AGAP1: variants seen among roughly 807,000 people sequenced by gnomAD.
AGAP1 encodes ArfGAP with GTPase domain, ankyrin repeat and PH domain 1.
A neutral mutation model predicts 105.3 loss-of-function variants in AGAP1; 29 were observed. That is an observed-to-expected ratio of 0.28 (90% CI 0.21 to 0.38). The LOEUF is 0.38. AGAP1 is among the 10% of genes least tolerant of loss of function. The probability of loss-of-function intolerance (pLI) is 1.00; values close to 1 mark genes in which losing one functional copy is unlikely to be tolerated. For synonymous variants in AGAP1, 509 were observed against 485.9 expected, an observed-to-expected ratio of 1.05 and a Z score of -0.63; for missense variants, 998 against 1,165.1, an observed-to-expected ratio of 0.86 and a Z score of 2.09.
intron 1 of AGAP1, among the ~76,000 whole-genome samples, chr2:235,509,546 A>G (rs1941982622): frequency 6.6e-6 from 1 of 152,064 alleles, no homozygotes; most frequent in Non-Finnish European, 1.5e-5. Context: ...GGTGTGGTTT[A>G]CATAAAGTAA....
chr2:235,812,520 T>C (rs1481493549), intron 9 of AGAP1, among the ~76,000 whole-genome samples: 1 of 152,222 alleles, frequency 6.6e-6, no homozygotes, highest in Non-Finnish European at 1.5e-5. Flanking sequence ...TTGTGTGGCA[T>C]GGGCAGAATG....
At chr2:236,022,603 C>T (rs562567135) in intron 13 of AGAP1, among the ~76,000 whole-genome samples, 1 of 152,276 alleles carries the variant, frequency 6.6e-6, no homozygotes, top group East Asian at 1.9e-4. Context: ...GGCACAGTCT[C>T]CGCTCACTGC....
rs1404917718 is a variant in AGAP1, at chr2:235,552,219, C to T, written c.163+57370C>T. Among the ~76,000 whole-genome samples, 1 of 152,174 alleles carries T rather than the reference C, an allele frequency of 6.6e-6. No individual in the cohort carries two copies. Among genetic ancestry groups the T allele is most frequent in the South Asian group, 2.1e-4 (1 of 4,822 alleles). ...GTCTGGACAGGGCTTCTGAGAACCA[C>T]CTGCAGTTCTGCTTATTGCTGGTGT... On this transcript the variant is annotated intron_variant, in intron 1 of 17. Transcript: ENST00000304032. The surrounding 1 kb of genome is among the most constrained non-coding windows in gnomAD (Gnocchi z 5.9).
At chr2:235,651,042 A>G (rs1947566702) in intron 1 of AGAP1, among the ~76,000 whole-genome samples, 2 of 151,960 alleles carry the variant, frequency 1.3e-5, no homozygotes, top group African/African-American at 2.4e-5. Flanking sequence ...TTAGCCAGGC[A>G]TGGTGGCATG....
At chr2:235,825,721 A>G (rs1959026998) in intron 9 of AGAP1, among the ~76,000 whole-genome samples, 1 of 152,250 alleles carries the variant, frequency 6.6e-6, no homozygotes, top group Non-Finnish European at 1.5e-5. Flanking sequence ...AGTATATACA[A>G]TAAAAAATAG....
chr2:236,088,409 C>A (rs1451730988), intron 16 of AGAP1, among the ~76,000 whole-genome samples: 1 of 152,218 alleles, frequency 6.6e-6, no homozygotes, highest in Non-Finnish European at 1.5e-5. Flanking sequence ...TCTGTAATGA[C>A]CATCTTGGAG....
intron 1 of AGAP1, among the ~76,000 whole-genome samples, chr2:235,675,864 A>G (rs954072376): frequency 2.6e-5 from 4 of 152,192 alleles, no homozygotes; most frequent in Non-Finnish European, 5.9e-5. Context: ...AAGTCATCAA[A>G]GAGACTTGGG....
At chr2:235,644,128 A>G (rs897206710) in intron 1 of AGAP1, among the ~76,000 whole-genome samples, 2 of 152,160 alleles carry the variant, frequency 1.3e-5, no homozygotes, top group African/African-American at 2.4e-5. Context: ...AGCCTTGCAG[A>G]CTTGTAGATG....
chr2:235,613,795 G>A (rs932068542), intron 1 of AGAP1, among the ~76,000 whole-genome samples: 15 of 152,254 alleles, frequency 9.9e-5, no homozygotes, highest in Non-Finnish European at 1.6e-4. Context: ...TAATTGGCGC[G>A]GGCCTCCCTG....
At chr2:235,543,122 C>T (rs1033144391) in intron 1 of AGAP1, among the ~76,000 whole-genome samples, 5 of 143,122 alleles carry the variant, frequency 3.5e-5, no homozygotes, top group South Asian at 4.4e-4. Context: ...CCCTGCCCCT[C>T]GTTGGGTGTT....
intron 1 of AGAP1, among the ~76,000 whole-genome samples, chr2:235,607,758 T>G (rs1190711253): frequency 6.6e-6 from 1 of 151,892 alleles, no homozygotes; most frequent in East Asian, 1.9e-4. Flanking sequence ...CTCCTGGAGG[T>G]GGAAGGGCAG....
intron 1 of AGAP1, among the ~76,000 whole-genome samples, chr2:235,522,035 T>C (rs1942643043): frequency 6.6e-6 from 1 of 152,186 alleles, no homozygotes; most frequent in Non-Finnish European, 1.5e-5. Context: ...GGTTTTTGAA[T>C]ACATCGGATG....
Position 235,958,594 on chromosome 2 carries a change from C to T in AGAP1, c.1484-9868C>T, listed in dbSNP as rs1308058466. On this transcript the variant is annotated intron_variant, in intron 12 of 17. Coordinates refer to ENST00000304032, the MANE Select transcript of AGAP1 (RefSeq NM_001037131.3). The surrounding 1 kb of genome is among the most constrained non-coding windows in gnomAD (Gnocchi z 4.1). ...CATCAAAAATTGCCCAGCTAATGATCGGCTGGGCAGATAATCGGAGGAGAG... is the reference window on the plus strand; with the variant it reads ...CATCAAAAATTGCCCAGCTAATGATTGGCTGGGCAGATAATCGGAGGAGAG... Among the ~76,000 whole-genome samples the T allele has an allele frequency of 2.6e-5, 4 of 152,138 alleles. No individual in the cohort carries two copies. The highest frequency in any genetic ancestry group is 4.8e-5 in the African/African-American group (2 of 41,416).
At position 235,931,659 on chromosome 2, in the gene AGAP1, A is replaced by G. The variant is rs567434739; in HGVS notation, c.1483+736A>G. 6.6e-6 allele frequency among the ~76,000 whole-genome samples: 1 copy of G among 152,150 alleles called. No homozygotes were observed. The highest frequency in any genetic ancestry group is 1.9e-4 in the East Asian group (1 of 5,160). On this transcript the variant is annotated intron_variant, in intron 12 of 17. Coordinates refer to ENST00000304032, the MANE Select transcript of AGAP1 (RefSeq NM_001037131.3). The surrounding 1 kb of genome is among the most constrained non-coding windows in gnomAD (Gnocchi z 5.6). ...TGTAATCTATCAGACGGGGTTTTAGAGTAATCTTAGCATAATTTGTTCTAA... is the reference window on the plus strand; with the variant it reads ...TGTAATCTATCAGACGGGGTTTTAGGGTAATCTTAGCATAATTTGTTCTAA...
At chr2:235,564,698 G>A (rs994068778) in intron 1 of AGAP1, among the ~76,000 whole-genome samples, 23 of 140,028 alleles carry the variant, frequency 1.6e-4, no homozygotes, top group Non-Finnish European at 2.6e-4. Context: ...CCAGGGTCAG[G>A]TGTGAGCCTG....
At chr2:235,539,557 C>T (rs1024580190) in intron 1 of AGAP1, among the ~76,000 whole-genome samples, 3 of 152,150 alleles carry the variant, frequency 2.0e-5, no homozygotes, top group African/African-American at 7.2e-5. Context: ...TTCTCTTTCA[C>T]CTCCTCTCCC....
chr2:235,840,268 G>C (rs1960658042), intron 9 of AGAP1, among the ~76,000 whole-genome samples: 1 of 152,150 alleles, frequency 6.6e-6, no homozygotes, highest in Non-Finnish European at 1.5e-5. Flanking sequence ...TGTCCATTCT[G>C]ATGGCTTCAG....
rs4322792 is a variant in AGAP1, at chr2:235,958,804, C to T, written c.1484-9658C>T. 0.01 allele frequency among the ~76,000 whole-genome samples: 1,564 copies of T among 152,254 alleles called. 9 individuals carry two copies. The highest frequency in any genetic ancestry group is 0.018 in the Non-Finnish European group (1,199 of 68,018). On this transcript the variant is annotated intron_variant, in intron 12 of 17. Transcript: ENST00000304032. The surrounding 1 kb of genome is among the most constrained non-coding windows in gnomAD (Gnocchi z 4.1). Reference sequence around the variant, plus strand: ...GCAGGCTGCTTGATATTTATGCGGACGGAATGTTATTTTATTCCCCCTCTA... The same window carrying T: ...GCAGGCTGCTTGATATTTATGCGGATGGAATGTTATTTTATTCCCCCTCTA...
At chr2:235,497,806 C>T (rs559397486) in intron 1 of AGAP1, among the ~76,000 whole-genome samples, 4 of 152,196 alleles carry the variant, frequency 2.6e-5, no homozygotes, top group East Asian at 3.9e-4. Context: ...TTGTGTTAGC[C>T]GGTATGGTCT....
Sources: allele counts gnomAD v4.1 joint callset (sites outside exome capture counted in the v4.1 genomes callset), GRCh38; gene constraint gnomAD v4.1.1; non-coding constraint Gnocchi (gnomAD v3.1); transcripts MANE v1.5; gene names NCBI Gene and HGNC (gene_info 2026-07-23, HGNC 2026-07-21).